Variants in SETD2 observed in about 807,000 individuals in gnomAD.
The protein encoded by SETD2 is histone-lysine N-methyltransferase SETD2.
Under a neutral mutation model 242.1 loss-of-function variants are expected in SETD2, and 31 were observed. The observed-to-expected ratio is 0.13, with a 90% confidence interval of 0.10 to 0.17. The LOEUF (loss-of-function observed/expected upper bound fraction) is 0.17. Among genes scored for constraint, SETD2 ranks in the 10% least tolerant of loss-of-function variants. The probability of loss-of-function intolerance (pLI) is 1.00; values close to 1 mark genes in which losing one functional copy is unlikely to be tolerated. For missense variants in SETD2, 2,481 were observed against 3,046.3 expected (o/e 0.81, Z 4.37); for synonymous variants, 1,006 against 1,066.5 (o/e 0.94, Z 1.11).
At chr3:47,029,265 T>C (rs6780994) in intron 18 of SETD2, among the ~76,000 whole-genome samples, 143,829 of 150,986 alleles carry the variant, frequency 0.95, 68,936 homozygotes, top group East Asian at 1. Context: ...GCCATGTTGC[T>C]CAGTCTGGTC....
chr3:47,154,934 C>T (rs1050717848), intron 1 of SETD2, among the ~76,000 whole-genome samples: 1 of 151,700 alleles, frequency 6.6e-6, no homozygotes, highest in Non-Finnish European at 1.5e-5. Flanking sequence ...GCGGAGCTTG[C>T]AGTGAGCCGA....
chr3:47,099,753 G>C (rs2042137288), intron 8 of SETD2, among the ~76,000 whole-genome samples: 2 of 152,206 alleles, frequency 1.3e-5, no homozygotes, highest in African/African-American at 4.8e-5. Flanking sequence ...GGGACTATAA[G>C]CATGCACCAC....
At chr3:47,095,764 AAAG>A (rs1277235124) in intron 9 of SETD2, among the ~76,000 whole-genome samples, 2 of 152,120 alleles carry the variant, frequency 1.3e-5, no homozygotes, top group Non-Finnish European at 2.9e-5. Flanking sequence ...TGAAAAAAAA[AAAG>A]AAAAACTTTC....
At chr3:47,094,544 G>A (rs114064852) in intron 9 of SETD2, among the ~76,000 whole-genome samples, 3 of 152,322 alleles carry the variant, frequency 2.0e-5, no homozygotes, top group African/African-American at 7.2e-5. Flanking sequence ...AACCTTGTGA[G>A]TTCAAACAGT....
At chr3:47,051,060 T>C (rs1170204974) in intron 15 of SETD2, among the ~76,000 whole-genome samples, 1 of 151,794 alleles carries the variant, frequency 6.6e-6, no homozygotes, top group Non-Finnish European at 1.5e-5. Flanking sequence ...ACTCATACCA[T>C]GTGCAAGTGA....
chr3:47,086,701 T>A (rs1211492648), intron 10 of SETD2, among the ~76,000 whole-genome samples: 1 of 152,010 alleles, frequency 6.6e-6, no homozygotes, highest in Non-Finnish European at 1.5e-5. Flanking sequence ...CAGATGATTG[T>A]TGAAAAGACC....
chr3:47,124,238 G>A lies in SETD2; in HGVS notation c.398C>T (p.Pro133Leu), dbSNP rs2043234786. The change falls in exon 3 of 21, where the codon CCA (proline) becomes CTA (leucine). Residue 133 changes from proline to leucine, a missense_variant. Around this residue, in one of 17 missense-constraint regions of SETD2, gnomAD observed 334 missense variants for 374.5 expected, o/e 0.89. Coordinates refer to ENST00000409792, the MANE Select transcript of SETD2 (RefSeq NM_014159.7). ...TLSTAEESSPPKSRVELGKIH... is the reference protein window; with the variant it reads ...TLSTAEESSPLKSRVELGKIH... The stretch of plus-strand genomic sequence containing the variant: ...TTTGCCCAATTCCACCCTTGACTTT[G>A]GTGGGGAAGATTCTTCTGCAGTAGA... The A allele has an allele frequency of 1.3e-6, 2 of 1,551,714 alleles. No homozygotes were observed. Among genetic ancestry groups the A allele is most frequent in the Non-Finnish European group, 8.7e-7 (1 of 1,146,984 alleles).
Position 47,017,306 on chromosome 3 carries a change from A to G in SETD2, c.7534-52T>C, listed in dbSNP as rs2107486305. ...ACAGCCACCAATCAGAGCAGAAATT[A>G]TATGAGGGGGAGGACAGGGGTGGTA... On this transcript the variant is annotated intron_variant, in intron 20 of 20. Transcript: ENST00000409792. This position sits in a 1 kb window ranked among gnomAD's most constrained non-coding sequence, Gnocchi z 4.8. 1.3e-6 allele frequency: 2 copies of G among 1,597,358 alleles called. No homozygotes were observed. Among genetic ancestry groups the G allele is most frequent in the South Asian group, 2.2e-5 (2 of 90,100 alleles).
intron 9 of SETD2, among the ~76,000 whole-genome samples, chr3:47,093,271 T>A (rs1036371529): frequency 2.9e-4 from 44 of 151,426 alleles, no homozygotes; most frequent in Middle Eastern, 6.8e-3. Flanking sequence ...ATTTCTTTTA[T>A]AATTTATCCA....
intron 14 of SETD2, among the ~76,000 whole-genome samples, chr3:47,059,257 CA>C (rs2040228734): frequency 6.6e-6 from 1 of 150,390 alleles, no homozygotes; most frequent in South Asian, 2.1e-4. Flanking sequence ...ACTGGGATTA[CA>C]GGGGTGCATC....
chr3:47,162,272 T>A (rs1402922256), intron 1 of SETD2, among the ~76,000 whole-genome samples: 1 of 152,126 alleles, frequency 6.6e-6, no homozygotes, highest in Non-Finnish European at 1.5e-5. Flanking sequence ...ATTTATTGAA[T>A]CGTGATATAA....
chr3:47,106,084 G>A lies in SETD2; in HGVS notation c.4752C>T (p.Leu1584=), dbSNP rs992061474. ...CTCGAGCTTTAAACTCTTTATGATCGAGTACCTCTCCACAATATTCTAGGA... is the reference window on the plus strand; with the variant it reads ...CTCGAGCTTTAAACTCTTTATGATCAAGTACCTCTCCACAATATTCTAGGA... ...TFVLEYCGEV[L]DHKEFKARVK... Residue 1584 remains leucine, a synonymous_variant, in exon 6 of 21, where the codon CTC becomes CTT. Coordinates refer to ENST00000409792, the MANE Select transcript of SETD2 (RefSeq NM_014159.7). The A allele has an allele frequency of 8.1e-6, 13 of 1,613,364 alleles. No individual in the cohort carries two copies. Among genetic ancestry groups the A allele is most frequent in the Admixed American group, 3.3e-5 (2 of 59,970 alleles).
At chr3:47,044,750 C>A (rs2039446713) in intron 16 of SETD2, among the ~76,000 whole-genome samples, 1 of 152,140 alleles carries the variant, frequency 6.6e-6, no homozygotes, top group South Asian at 2.1e-4. Context: ...TTTTTTTAAA[C>A]ATTGTACAAC....
At chr3:47,069,264 C>A (rs1054766147) in intron 12 of SETD2, among the ~76,000 whole-genome samples, 1 of 152,154 alleles carries the variant, frequency 6.6e-6, no homozygotes. Flanking sequence ...TTAGATGACA[C>A]AGGACATGCC....
chr3:47,132,507 G>A (rs1204973309), intron 1 of SETD2, among the ~76,000 whole-genome samples: 1 of 152,148 alleles, frequency 6.6e-6, no homozygotes, highest in Non-Finnish European at 1.5e-5. Flanking sequence ...AAAACTAGAT[G>A]TGTCACTGTA....
chr3:47,019,709 G>T, intron 19 of SETD2, 51 bp downstream of exon 19: 1 of 1,442,944 alleles, frequency 6.9e-7, no homozygotes, highest in Non-Finnish European at 9.8e-7. Context: ...GAAATGAAAG[G>T]GTTCAGATTT....
chr3:47,132,004 C>G (rs1197550993), intron 1 of SETD2, among the ~76,000 whole-genome samples: 1 of 150,408 alleles, frequency 6.6e-6, no homozygotes, highest in Admixed American at 6.6e-5. Flanking sequence ...TCTTGAACTC[C>G]TGACCTCGTG....
At chr3:47,087,051 T>A (rs936726319) in intron 10 of SETD2, among the ~76,000 whole-genome samples, 2 of 147,536 alleles carry the variant, frequency 1.4e-5, no homozygotes, top group African/African-American at 5.0e-5. Context: ...AAAAAAAAAA[T>A]CATTTTGTGT....
chr3:47,064,544 A>G, intron 13 of SETD2: 1 of 273,568 alleles, frequency 3.7e-6, no homozygotes, highest in Non-Finnish European at 8.0e-6. Context: ...AAAACAAAAA[A>G]GGAATCATAC....
Sources: allele counts gnomAD v4.1 joint callset (sites outside exome capture counted in the v4.1 genomes callset), GRCh38; gene constraint gnomAD v4.1.1; regional missense constraint gnomAD v4.1.1; non-coding constraint Gnocchi (gnomAD v3.1); transcripts MANE v1.5; gene names NCBI Gene and HGNC (gene_info 2026-07-23, HGNC 2026-07-21).